Variants in ST14 observed in about 807,000 individuals in gnomAD.
The protein encoded by ST14 is ST14 transmembrane serine protease matriptase.
In ST14, 40 loss-of-function variants were observed where a neutral mutation model predicts 96.5. That is an observed-to-expected ratio of 0.41 (90% CI 0.32 to 0.54). The LOEUF (loss-of-function observed/expected upper bound fraction) is 0.54. Ranked by LOEUF, ST14 falls within the 20% of genes least tolerant of loss-of-function variation. The probability of loss-of-function intolerance (pLI) is 0.17; values close to 1 mark genes in which losing one functional copy is unlikely to be tolerated. For synonymous variants in ST14, 506 were observed against 492.1 expected (o/e 1.03, Z -0.37); for missense variants, 1,066 against 1,188.9 (o/e 0.90, Z 1.52).
chr11:130,195,745 C>T (rs1326125830), intron 9 of ST14, among the ~76,000 whole-genome samples: 1 of 151,624 alleles, frequency 6.6e-6, no homozygotes, highest in Non-Finnish European at 1.5e-5. Context: ...CCCAGCTGCT[C>T]GGGAGACTGA....
At chr11:130,163,380 C>T (rs1953013689) in intron 1 of ST14, among the ~76,000 whole-genome samples, 1 of 152,172 alleles carries the variant, frequency 6.6e-6, no homozygotes, top group South Asian at 2.1e-4. Flanking sequence ...CCTTCTCATC[C>T]CCTGCCCCTC....
At chr11:130,197,542 C>G (rs925805371) in intron 11 of ST14, among the ~76,000 whole-genome samples, 1 of 152,180 alleles carries the variant, frequency 6.6e-6, no homozygotes, top group African/African-American at 2.4e-5. Context: ...GCAGGGCCTG[C>G]GACCAGCTGG....
In ST14 at chr11:130,189,812, G is replaced by GTCA; in HGVS notation, c.516_518dup (p.Val172_Met173insIle). 6.2e-7 allele frequency: 1 copy of GTCA among 1,613,882 alleles called. No homozygotes were observed. Among genetic ancestry groups the GTCA allele is most frequent in the South Asian group, 1.1e-5 (1 of 91,088 alleles). ...GCACCTGGTGGAGGAGGCCGAGCGC[G>GTCA]TCATGGCCGAGGAGCGCGTAGTCAT... On this transcript the variant is annotated inframe_insertion, in exon 5 of 19. Coordinates refer to ENST00000278742, the MANE Select transcript of ST14 (RefSeq NM_021978.4).
In ST14 at chr11:130,190,165, C is replaced by T; in HGVS notation, c.634+17C>T. The T allele has an allele frequency of 6.2e-7, 1 of 1,614,210 alleles. No individual in the cohort carries two copies. The highest frequency in any genetic ancestry group is 8.5e-7 in the Non-Finnish European group (1 of 1,180,024). ...CCCAGGACAGTAAGTATCGTGCCCG[C>T]CTCCTCTTCTGGGTGGGGAAGAGGC... On this transcript the variant is annotated intron_variant, in intron 6 of 18. Transcript: ENST00000278742.
At chr11:130,205,958 A>T (rs1953482390) in intron 16 of ST14, among the ~76,000 whole-genome samples, 1 of 152,202 alleles carries the variant, frequency 6.6e-6, no homozygotes, top group African/African-American at 2.4e-5. Context: ...GGGGCTCCCA[A>T]AGTGCTAGGA....
At chr11:130,167,863 C>A (rs1002306666) in intron 1 of ST14, among the ~76,000 whole-genome samples, 1 of 152,126 alleles carries the variant, frequency 6.6e-6, no homozygotes, top group Non-Finnish European at 1.5e-5. Context: ...TACAGGTGTG[C>A]GCCACTGCGC....
At chr11:130,171,967 G>A (rs944553436) in intron 1 of ST14, among the ~76,000 whole-genome samples, 2 of 152,232 alleles carry the variant, frequency 1.3e-5, no homozygotes, top group African/African-American at 2.4e-5. Flanking sequence ...TGTCGGTTTC[G>A]TGGGGAAGAG....
chr11:130,198,896 T>A (rs1416925161), intron 14 of ST14, 51 bp from the exon 15 acceptor site: 3 of 1,612,074 alleles, frequency 1.9e-6, no homozygotes, highest in Non-Finnish European at 2.5e-6. Context: ...TGGCTTCTGG[T>A]CGGATGCTGC....
At chr11:130,184,870 C>G (rs1000443171) in intron 1 of ST14, among the ~76,000 whole-genome samples, 3 of 152,134 alleles carry the variant, frequency 2.0e-5, no homozygotes, top group Non-Finnish European at 4.4e-5. Flanking sequence ...ATCACTCCAG[C>G]CAGGAGATTA....
At chr11:130,196,085 G>A (rs937055994) in intron 9 of ST14, among the ~76,000 whole-genome samples, 8 of 152,086 alleles carry the variant, frequency 5.3e-5, no homozygotes, top group African/African-American at 1.4e-4. Context: ...GCGTGAACCC[G>A]GGAGGCGGAG....
intron 1 of ST14, among the ~76,000 whole-genome samples, chr11:130,178,506 C>T (rs146287310): frequency 4.1e-4 from 56 of 136,898 alleles, no homozygotes; most frequent in East Asian, 2.8e-3. Context: ...GGAGTTGGGA[C>T]GGGACTTGAA....
chr11:130,190,476 C>T lies in ST14; in HGVS notation c.657C>T (p.His219=), dbSNP rs143342490. ...CAGACAGCTGCAGCTTTGGCCTGCACGCCCGCGGTGTGGAGCTGATGCGCT... is the reference window on the plus strand; with the variant it reads ...CAGACAGCTGCAGCTTTGGCCTGCATGCCCGCGGTGTGGAGCTGATGCGCT... The part of the protein sequence containing the change: ...TQDNSCSFGL[H]ARGVELMRFT... The change falls in exon 7 of 19, where the codon CAC becomes CAT. Residue 219 remains histidine (H), a synonymous_variant. Coordinates refer to ENST00000278742, the MANE Select transcript of ST14 (RefSeq NM_021978.4). 689 of 1,607,440 alleles carry T rather than the reference C, an allele frequency of 4.3e-4. 3 individuals are homozygous for T. Among genetic ancestry groups the T allele is most frequent in the Non-Finnish European group, 5.5e-4 (651 of 1,179,890 alleles).
At chr11:130,191,892 G>A (rs641355) in intron 7 of ST14, among the ~76,000 whole-genome samples, 117,625 of 152,034 alleles carry the variant, frequency 0.77, 45,773 homozygotes, top group East Asian at 0.95. Context: ...CCTTTCGGAG[G>A]AGGTGGGGCT....
At chr11:130,168,080 C>A (rs534989547) in intron 1 of ST14, among the ~76,000 whole-genome samples, 1 of 152,150 alleles carries the variant, frequency 6.6e-6, no homozygotes, top group Non-Finnish European at 1.5e-5. Context: ...TTTTGAAAAA[C>A]GATTTTTGAT....
intron 1 of ST14, among the ~76,000 whole-genome samples, chr11:130,185,856 G>A (rs778612555): frequency 3.3e-4 from 50 of 151,876 alleles, no homozygotes; most frequent in Non-Finnish European, 2.4e-4. Flanking sequence ...CACCCAGGCC[G>A]GAGTTCAGTG....
Position 130,188,393 on chromosome 11 carries a change from C to T in ST14, c.241+120C>T. 3 of 1,584,624 alleles carry T rather than the reference C, an allele frequency of 1.9e-6. No individual in the cohort carries two copies. The highest frequency in any genetic ancestry group is 2.6e-6 in the Non-Finnish European group (3 of 1,162,390). On this transcript the variant is annotated intron_variant, in intron 2 of 18. Transcript: ENST00000278742. The surrounding 1 kb of genome is among the most constrained non-coding windows in gnomAD (Gnocchi z 5.4). ...CGAGGATCTCTTGGCCTCTCTGGAACCCTGATGGGGAGTGATGGGAAGCAG... is the reference window on the plus strand; with the variant it reads ...CGAGGATCTCTTGGCCTCTCTGGAATCCTGATGGGGAGTGATGGGAAGCAG...
At chr11:130,206,505 ACC>A (rs1953490507) in intron 16 of ST14, among the ~76,000 whole-genome samples, 1 of 150,300 alleles carries the variant, frequency 6.7e-6, no homozygotes, top group African/African-American at 2.5e-5. Flanking sequence ...TCCTTATTGT[ACC>A]GTTTCTTCAG....
In ST14 at chr11:130,208,422, C is replaced by T; in HGVS notation, c.2007C>T (p.Pro669=). The change falls in exon 17 of 19, where the codon CCC becomes CCT. Residue 669 remains proline, a synonymous_variant. Coordinates refer to ENST00000278742, the MANE Select transcript of ST14 (RefSeq NM_021978.4). ...IDDRGFRYSD[P]TQWTAFLGLH... ...CTCTCCCTACCAGGTACTCAGACCC[C>T]ACGCAGTGGACGGCCTTCCTGGGCT... 6.2e-7 allele frequency: 1 copy of T among 1,614,112 alleles called. No homozygotes were observed. The highest frequency in any genetic ancestry group is 8.5e-7 in the Non-Finnish European group (1 of 1,180,042).
intron 9 of ST14, 89 bp from the exon 10 acceptor site, chr11:130,196,250 T>C: frequency 2.0e-6 from 2 of 986,520 alleles, no homozygotes; most frequent in East Asian, 2.6e-5. Flanking sequence ...CATCTCTCCC[T>C]GGTCCATGCC....
Sources: allele counts gnomAD v4.1 joint callset (sites outside exome capture counted in the v4.1 genomes callset), GRCh38; gene constraint gnomAD v4.1.1; non-coding constraint Gnocchi (gnomAD v3.1); transcripts MANE v1.5; gene names NCBI Gene and HGNC (gene_info 2026-07-23, HGNC 2026-07-21).